The following NHERF1 variants were observed in gnomAD, a reference collection of about 807,000 sequenced individuals.
NHERF1 encodes Na(+)/H(+) exchange regulatory cofactor NHE-RF1.
At chr17:74,762,054 A>T in the NHERF1 span, 1 of 1,614,156 alleles carries the variant, frequency 6.2e-7, no homozygotes, top group Non-Finnish European at 8.5e-7. The surrounding 1 kb of genome is among the most constrained non-coding windows in gnomAD (Gnocchi z 4.2). Context: ...GAAGGGCCCC[A>T]GTGGCTATGG....
At chr17:74,748,664 C>A in the NHERF1 span, 2 of 591,094 alleles carry the variant, frequency 3.4e-6, no homozygotes. The surrounding 1 kb of genome is among the most constrained non-coding windows in gnomAD (Gnocchi z 4.3). Flanking sequence ...CTGTGGTCCT[C>A]TCTCGGCTCC....
At chr17:74,757,208 G>A in the NHERF1 span, among the ~76,000 whole-genome samples, 1 of 152,302 alleles carries the variant, frequency 6.6e-6, no homozygotes, top group East Asian at 1.9e-4. Context: ...TGAGTCCTGG[G>A]GGTGTCTGTC....
the NHERF1 span, chr17:74,769,286 G>A: frequency 2.6e-5 from 4 of 152,310 alleles, no homozygotes; most frequent in African/African-American, 7.2e-5. Flanking sequence ...GGCTACCCCT[G>A]CCCATCCCTG....
chr17:74,762,129 C>T, the NHERF1 span: 3 of 1,614,158 alleles, frequency 1.9e-6, no homozygotes, highest in Non-Finnish European at 2.5e-6. This position sits in a 1 kb window ranked among gnomAD's most constrained non-coding sequence, Gnocchi z 4.2. Flanking sequence ...CCCAGACTCC[C>T]CGGCTGAGGC....
chr17:74,752,014 A>G, the NHERF1 span, among the ~76,000 whole-genome samples: 1 of 152,242 alleles, frequency 6.6e-6, no homozygotes, highest in Admixed American at 6.5e-5. Flanking sequence ...TACATATTTC[A>G]TAGTGATCAT....
chr17:74,768,235 A>G, the NHERF1 span: 51 of 1,611,430 alleles, frequency 3.2e-5, 1 homozygote, highest in South Asian at 5.4e-4. Context: ...ACCAGCGAGG[A>G]GGTAGGCCAG....
the NHERF1 span, chr17:74,768,817 T>C: frequency 4.6e-6 from 3 of 655,734 alleles, no homozygotes; most frequent in African/African-American, 1.8e-5. Context: ...TCCCTGACTT[T>C]AGGGAAGGTG....
At chr17:74,748,638 C>G in the NHERF1 span, 7 of 501,160 alleles carry the variant, frequency 1.4e-5, no homozygotes, top group Admixed American at 7.6e-5. The surrounding 1 kb of genome is among the most constrained non-coding windows in gnomAD (Gnocchi z 4.3). Flanking sequence ...AGACGCCGCG[C>G]GGGGCGGGGA....
chr17:74,768,437 C>T, the NHERF1 span: 2 of 1,612,730 alleles, frequency 1.2e-6, no homozygotes, highest in East Asian at 4.5e-5. Flanking sequence ...GGGACTGACT[C>T]CCAACTTCCT....
the NHERF1 span, chr17:74,761,983 T>C: frequency 1.2e-6 from 2 of 1,612,792 alleles, no homozygotes; most frequent in Non-Finnish European, 1.7e-6. The surrounding 1 kb of genome is among the most constrained non-coding windows in gnomAD (Gnocchi z 4.3). Context: ...CACTGTGGAA[T>C]AGCCATGGAC....
chr17:74,748,804 C>A, the NHERF1 span: 21,107 of 1,531,540 alleles, frequency 0.014, 190 homozygotes, highest in South Asian at 0.02. The surrounding 1 kb of genome is among the most constrained non-coding windows in gnomAD (Gnocchi z 4.3). Flanking sequence ...GTCCCGTCCC[C>A]ATCGGAACCC....
the NHERF1 span, among the ~76,000 whole-genome samples, chr17:74,761,198 A>C: frequency 6.6e-6 from 1 of 152,186 alleles, no homozygotes; most frequent in Non-Finnish European, 1.5e-5. The surrounding 1 kb of genome is among the most constrained non-coding windows in gnomAD (Gnocchi z 4.3). Context: ...CCTCCAGGCC[A>C]CAGCCACACT....
the NHERF1 span, among the ~76,000 whole-genome samples, chr17:74,763,692 G>A: frequency 6.6e-6 from 1 of 152,218 alleles, no homozygotes; most frequent in Non-Finnish European, 1.5e-5. Flanking sequence ...GGGAGCGGGG[G>A]CCTAGTGTAG....
the NHERF1 span, among the ~76,000 whole-genome samples, chr17:74,753,539 T>TA: frequency 1.1e-4 from 17 of 152,328 alleles, no homozygotes; most frequent in Non-Finnish European, 2.1e-4. Flanking sequence ...CCCTGGTTCT[T>TA]ACCTTCAAGC....
chr17:74,767,381 G>A, the NHERF1 span, among the ~76,000 whole-genome samples: 2 of 152,196 alleles, frequency 1.3e-5, no homozygotes, highest in East Asian at 1.9e-4. Flanking sequence ...AGAAGGGAAA[G>A]GGGGTGAGGC....
At chr17:74,751,895 GT>G in the NHERF1 span, among the ~76,000 whole-genome samples, 1 of 152,232 alleles carries the variant, frequency 6.6e-6, no homozygotes, top group South Asian at 2.1e-4. This position sits in a 1 kb window ranked among gnomAD's most constrained non-coding sequence, Gnocchi z 4.3. Context: ...TAAGTTGGGG[GT>G]TATGGCAGCT....
chr17:74,748,845 A>G, the NHERF1 span: 1 of 1,590,206 alleles, frequency 6.3e-7, no homozygotes, highest in East Asian at 2.3e-5. The surrounding 1 kb of genome is among the most constrained non-coding windows in gnomAD (Gnocchi z 4.3). Context: ...TCGCAGGGCG[A>G]GATGAGCGCG....
chr17:74,768,067 A>G, the NHERF1 span: 7 of 981,590 alleles, frequency 7.1e-6, no homozygotes, highest in African/African-American at 6.4e-5. Context: ...TGAGGCCCCT[A>G]CTTCCCCAGG....
At chr17:74,762,151 G>C in the NHERF1 span, 2 of 1,614,088 alleles carry the variant, frequency 1.2e-6, no homozygotes, top group Admixed American at 1.7e-5. The surrounding 1 kb of genome is among the most constrained non-coding windows in gnomAD (Gnocchi z 4.2). Context: ...TCAGGGCTCC[G>C]GGCCCAGGAT....
Sources: allele counts gnomAD v4.1 joint callset (sites outside exome capture counted in the v4.1 genomes callset), GRCh38; gene constraint gnomAD v4.1.1; non-coding constraint Gnocchi (gnomAD v3.1); transcripts MANE v1.5; gene names NCBI Gene and HGNC (gene_info 2026-07-23, HGNC 2026-07-21).